TMPRSS5: variants seen among roughly 807,000 people sequenced by gnomAD.
The protein encoded by TMPRSS5 is transmembrane protease serine 5.
TMPRSS5 carries 45 observed loss-of-function variants against 59.7 expected under a neutral mutation model. The observed-to-expected ratio is 0.75, with a 90% CI of 0.59 to 0.97. The LOEUF (loss-of-function observed/expected upper bound fraction) is 0.97, where lower values mean the gene tolerates loss of function less well. Ranked by LOEUF, TMPRSS5 falls within the 50% of genes least tolerant of loss-of-function variation. TMPRSS5 has a pLI of 0.00. For synonymous variants in TMPRSS5, 225 were observed against 232.0 expected, an observed-to-expected ratio of 0.97 and a Z score of 0.27; for missense variants, 585 against 596.7, an observed-to-expected ratio of 0.98 and a Z score of 0.20.
rs116913282 is a variant in TMPRSS5, at chr11:113,694,538, G to A, written c.725C>T (p.Thr242Met). 5.7e-4 allele frequency: 885 copies of A among 1,560,002 alleles called. No homozygotes were observed. Among genetic ancestry groups the A allele is most frequent in the Middle Eastern group, 1.5e-3 (9 of 5,992 alleles). ...TGGCGCTAGCACAGAGCCCCCACAC[G>A]TGTGCCGGAAGCCCAGGGCCACGCT... ...QASVALGFRH[T>M]CGGSVLAPRW... The change falls in exon 8 of 13, where the codon ACG becomes ATG. Residue 242 changes from threonine to methionine, a missense_variant. Transcript: ENST00000299882.
intron 9 of TMPRSS5, 49 bp downstream of exon 9, chr11:113,693,022 C>A: frequency 6.7e-7 from 1 of 1,497,026 alleles, no homozygotes; most frequent in South Asian, 1.2e-5. Context: ...AGCCCCCGCC[C>A]TCTCTCGCCA....
intron 1 of TMPRSS5, among the ~76,000 whole-genome samples, chr11:113,702,544 T>C (rs1953169965): frequency 6.6e-6 from 1 of 152,198 alleles, no homozygotes; most frequent in African/African-American, 2.4e-5. Flanking sequence ...GAAATTTGCA[T>C]AAGTAATGAA....
At position 113,694,574 on chromosome 11, in the gene TMPRSS5, G is replaced by C. The variant is rs773489003; in HGVS notation, c.689C>G (p.Pro230Arg). Residue 230 changes from proline (P) to arginine (R), a missense_variant, in exon 8 of 13, where the codon CCG (proline) becomes CGG (arginine). Transcript: ENST00000299882. ...GCCCAGGGCCACGCTGGCCTGCCAC[G>C]GCCAGCGCCCAGGAGCCACAGACTG... ...GGQSVAPGRW[P>R]WQASVALGFR... 4 of 1,557,172 alleles carry C rather than the reference G, an allele frequency of 2.6e-6. No individual in the cohort carries two copies. Among genetic ancestry groups the C allele is most frequent in the Non-Finnish European group, 3.5e-6 (4 of 1,150,652 alleles).
At chr11:113,701,811 C>T (rs1953145564) in intron 1 of TMPRSS5, among the ~76,000 whole-genome samples, 1 of 151,544 alleles carries the variant, frequency 6.6e-6, no homozygotes, top group African/African-American at 2.4e-5. Flanking sequence ...TTTACTTTAA[C>T]TTCCAGGATA....
intron 7 of TMPRSS5, 95 bp from the exon 8 acceptor site, chr11:113,694,735 G>GTGCTA (rs1952881331): frequency 8.0e-7 from 1 of 1,254,068 alleles, no homozygotes; most frequent in Admixed American, 2.8e-5. Context: ...CTAAGCCCCA[G>GTGCTA]AGAGCCAGTG....
chr11:113,697,351 G>A lies in TMPRSS5; in HGVS notation c.396C>T (p.Leu132=). The change falls in exon 5 of 13, where the codon CTC becomes CTT. Residue 132 remains leucine, a synonymous_variant. Transcript: ENST00000299882. ...EAQVRDQPRW[L]LVCHEGWSPA... is the part of the protein sequence containing the mutation. ...GGCTCCAGCCCTCATGGCAGACCAG[G>A]AGCCAGCGTGGCTGATCCCTCACTT... is the stretch of plus-strand genomic sequence containing the variant. 6.2e-7 allele frequency: 1 copy of A among 1,613,850 alleles called. No homozygotes were observed. Among genetic ancestry groups the A allele is most frequent in the Non-Finnish European group, 8.5e-7 (1 of 1,179,730 alleles).
rs1385861356 is a variant in TMPRSS5, at chr11:113,699,267, CT to C, written c.206-241del. Among the ~76,000 whole-genome samples the C allele has an allele frequency of 4.1e-4, 42 of 102,416 alleles. 4 individuals carry two copies. In the East Asian group the frequency reaches 5.6e-3, roughly 14 times the overall value. The allele number at this position is 102,416 out of a possible 152,430, so 67.2% of individuals were successfully genotyped here. ...TCTCTCTCTCTCTCTCTCTCTCTCT[CT>C]CTCCCTCTCTCTCTCTCTCTCTCTG... On this transcript the variant is annotated intron_variant, in intron 3 of 12. Transcript: ENST00000299882.
At chr11:113,696,153 C>T (rs1952922250) in intron 6 of TMPRSS5, among the ~76,000 whole-genome samples, 1 of 152,166 alleles carries the variant, frequency 6.6e-6, no homozygotes, top group Admixed American at 6.5e-5. Flanking sequence ...CAACTCCAGC[C>T]ACATTCCTGA....
At position 113,699,259 on chromosome 11, in the gene TMPRSS5, CTCTCT is replaced by C. The variant is rs1953038805; in HGVS notation, c.206-237_206-233del. Among the ~76,000 whole-genome samples, 2 of 80,064 alleles carry C rather than the reference CTCTCT, an allele frequency of 2.5e-5. 1 individual carries two copies. The highest frequency in any genetic ancestry group is 1.2e-4 in the African/African-American group (2 of 16,138). The allele number at this position is 80,064 out of a possible 152,430, so 52.5% of individuals were successfully genotyped here. ...TCTCTCTCTCTCTCTCTCTCTCTCT[CTCTCT>C]CTCTCTCCCTCTCTCTCTCTCTCTC... On this transcript the variant is annotated intron_variant, in intron 3 of 12. Transcript: ENST00000299882.
intron 12 of TMPRSS5, among the ~76,000 whole-genome samples, chr11:113,688,607 G>A (rs1442754866): frequency 2.6e-5 from 4 of 152,128 alleles, no homozygotes; most frequent in African/African-American, 9.7e-5. Flanking sequence ...GTCCTGCTCT[G>A]TCGCCCAGCC....
intron 3 of TMPRSS5, 101 bp downstream of exon 3, chr11:113,699,494 A>C: frequency 1.1e-6 from 1 of 924,826 alleles, no homozygotes; most frequent in South Asian, 1.6e-5. Context: ...TGCACAGAGT[A>C]GTTGAGGAAG....
At chr11:113,697,141 C>G in intron 5 of TMPRSS5, 142 bp downstream of exon 5, 1 of 1,333,366 alleles carries the variant, frequency 7.5e-7, no homozygotes, top group Non-Finnish European at 1.0e-6. Flanking sequence ...ACCATTGTGC[C>G]CAGAGGCCAG....
chr11:113,696,966 G>C lies in TMPRSS5; in HGVS notation c.470C>G (p.Thr157Ser), dbSNP rs1418227692. The change falls in exon 6 of 13, where the codon ACT (threonine) becomes AGT (serine). Residue 157 changes from threonine to serine, a missense_variant. Thr to Ser is a moderately conservative substitution (Grantham distance 58). Coordinates refer to ENST00000299882, the MANE Select transcript of TMPRSS5 (RefSeq NM_030770.4). ...ICWSLGHLRLTHHKGVNLTDI... is the reference protein window; with the variant it reads ...ICWSLGHLRLSHHKGVNLTDI... ...AGTGAGGTTTACTCCCTTGTGGTGA[G>C]TGAGTCTTGGCAGAAGAAGGGAATA... is the stretch of plus-strand genomic sequence containing the variant. 6.4e-7 allele frequency: 1 copy of C among 1,571,024 alleles called. No individual in the cohort carries two copies. The highest frequency in any genetic ancestry group is 8.6e-7 in the Non-Finnish European group (1 of 1,156,656).
intron 2 of TMPRSS5, 34 bp downstream of exon 2, chr11:113,700,032 C>G: frequency 6.4e-7 from 1 of 1,552,424 alleles, no homozygotes; most frequent in Non-Finnish European, 8.7e-7. Context: ...ACTGTCCCCA[C>G]CCTGTCATTC....
chr11:113,690,302 C>A lies in TMPRSS5; in HGVS notation c.1135G>T (p.Val379Leu). Residue 379 changes from valine to leucine, a missense_variant, in exon 11 of 13, where the codon GTG (valine) becomes TTG (leucine). Physicochemically the swap from Val to Leu is conservative, Grantham distance 32. Transcript: ENST00000299882. Reference sequence around the variant, plus strand: ...CGGGGGGTGAGGGCTCCGCTGTACACGCAAGAGCTGTTGCAGAGCTGAGTG... The same window carrying A: ...CGGGGGGTGAGGGCTCCGCTGTACAAGCAAGAGCTGTTGCAGAGCTGAGTG... ...FSTQLCNSSC[V>L]YSGALTPRML... 1.3e-6 allele frequency: 2 copies of A among 1,593,512 alleles called. No homozygotes were observed. Among genetic ancestry groups the A allele is most frequent in the Non-Finnish European group, 1.7e-6 (2 of 1,170,990 alleles).
intron 8 of TMPRSS5, chr11:113,693,628 T>A (rs1237028915): frequency 6.0e-6 from 1 of 166,836 alleles, no homozygotes; most frequent in Non-Finnish European, 1.3e-5. Flanking sequence ...GGAGAGGCAC[T>A]TCTCCCTCTC....
rs1373189511 is a variant in TMPRSS5 at position 113,688,164 on chromosome 11, C to T, written c.*96G>A. On this transcript the variant is annotated 3_prime_UTR_variant, in exon 13 of 13. Transcript: ENST00000299882. ...AGTAGGAGGTCCATGCGTTCTGTGT[C>T]GGAGGCTACTGCCTCTCCTCCATTA... 15 of 1,501,914 alleles carry T rather than the reference C, an allele frequency of 1.0e-5. No individual in the cohort carries two copies. Among genetic ancestry groups the T allele is most frequent in the African/African-American group, 5.6e-5 (4 of 71,392 alleles). The allele number at this position is 1,501,914 out of a possible 1,614,324, so 93.0% of individuals were successfully genotyped here. A position where few individuals can be genotyped will look rare whatever the true frequency, so the allele number is the denominator to read the frequency against.
rs567777466 is a variant in TMPRSS5, at chr11:113,693,067, G to T, written c.964+4C>A. On this transcript the variant is annotated splice_donor_region_variant and intron_variant, in intron 9 of 12. Transcript: ENST00000299882. ...GCCTGCCCACCCTCAAGCCAGTGCC[G>T]CACCTGAGAAGTTGAGAGCGGTCTG... 2.2e-6 allele frequency: 3 copies of T among 1,362,664 alleles called. No individual in the cohort carries two copies. Among genetic ancestry groups the T allele is most frequent in the Admixed American group, 2.2e-5 (1 of 45,746 alleles). The allele number at this position is 1,362,664 out of a possible 1,614,324, so 84.4% of individuals were successfully genotyped here.
At chr11:113,693,474 T>G in intron 8 of TMPRSS5, 5 of 433,594 alleles carry the variant, frequency 1.2e-5, no homozygotes, top group Non-Finnish European at 2.0e-5. Context: ...GACTGATGGA[T>G]AGAGAAGACT....
Sources: allele counts gnomAD v4.1 joint callset (sites outside exome capture counted in the v4.1 genomes callset), GRCh38; gene constraint gnomAD v4.1.1; transcripts MANE v1.5; gene names NCBI Gene and HGNC (gene_info 2026-07-23, HGNC 2026-07-21).